The following AGAP1 variants were observed in gnomAD, a reference collection of about 807,000 sequenced individuals.
The protein encoded by AGAP1 is arf-GAP with GTPase, ANK repeat and PH domain-containing protein 1.
In AGAP1, 29 loss-of-function variants were observed where a neutral mutation model predicts 105.3. That is an observed-to-expected ratio of 0.28 (90% CI 0.21 to 0.38). AGAP1 has a LOEUF of 0.38. AGAP1 is among the 10% of genes least tolerant of loss of function. AGAP1 has a pLI of 1.00. For missense variants in AGAP1, 998 were observed against 1,165.1 expected (o/e 0.86, Z 2.09); for synonymous variants, 509 against 485.9 (o/e 1.05, Z -0.63).
chr2:235,636,790 G>A (rs1418480590), intron 1 of AGAP1, among the ~76,000 whole-genome samples: 1 of 152,162 alleles, frequency 6.6e-6, no homozygotes, highest in Non-Finnish European at 1.5e-5. Flanking sequence ...AATTATTTAG[G>A]ATGAGGTCAT....
chr2:235,636,634 C>G (rs1947011486), intron 1 of AGAP1, among the ~76,000 whole-genome samples: 1 of 152,202 alleles, frequency 6.6e-6, no homozygotes, highest in African/African-American at 2.4e-5. Context: ...TTGGGCTAGA[C>G]TCACTGTTCC....
rs1268776026 is a variant in AGAP1, at chr2:235,729,001, C to T, written c.310+11357C>T. 3.3e-5 allele frequency among the ~76,000 whole-genome samples: 5 copies of T among 151,482 alleles called. No individual in the cohort carries two copies. Among genetic ancestry groups the T allele is most frequent in the East Asian group, 1.9e-4 (1 of 5,160 alleles). Reference sequence around the variant, plus strand: ...GTGTGGGTCTTCCATGTCCCAGGGACGGAGAGAGGAGAAGTGGGGTTGGCC... The same window carrying T: ...GTGTGGGTCTTCCATGTCCCAGGGATGGAGAGAGGAGAAGTGGGGTTGGCC... On this transcript the variant is annotated intron_variant, in intron 3 of 17. Coordinates refer to ENST00000304032, the MANE Select transcript of AGAP1 (RefSeq NM_001037131.3). The surrounding 1 kb of genome is among the most constrained non-coding windows in gnomAD (Gnocchi z 5.0).
Position 235,968,637 on chromosome 2 carries a change from G to C in AGAP1, c.1645+14G>C. ...GCACTGCTGAAGGTAAGGGTTCCGC[G>C]GTGCCCCGGGAGAGAGTCTCCACTG... On this transcript the variant is annotated intron_variant, in intron 13 of 17. Transcript: ENST00000304032. 2.5e-6 allele frequency: 4 copies of C among 1,595,890 alleles called. No individual in the cohort carries two copies. Among genetic ancestry groups the C allele is most frequent in the Non-Finnish European group, 3.4e-6 (4 of 1,174,950 alleles).
intron 1 of AGAP1, among the ~76,000 whole-genome samples, chr2:235,640,751 CA>C (rs1241929672): frequency 6.6e-6 from 1 of 152,208 alleles, no homozygotes; most frequent in Non-Finnish European, 1.5e-5. Context: ...ATAGTCTAGG[CA>C]GGCAAACCCT....
intron 16 of AGAP1, among the ~76,000 whole-genome samples, chr2:236,118,569 A>G (rs547282112): frequency 1.2e-3 from 187 of 151,498 alleles, no homozygotes; most frequent in African/African-American, 4.1e-3. Context: ...TTGTATTTTT[A>G]GTAGAGACAG....
At chr2:235,653,104 G>A (rs2149326663) in intron 1 of AGAP1, among the ~76,000 whole-genome samples, 1 of 152,224 alleles carries the variant, frequency 6.6e-6, no homozygotes. Flanking sequence ...ACCTCTCAAA[G>A]CCCATTTGCT....
At chr2:235,670,561 C>T in intron 1 of AGAP1, 1 of 496,838 alleles carries the variant, frequency 2.0e-6, no homozygotes, top group Admixed American at 4.3e-5. Flanking sequence ...GGAGCCTGAG[C>T]TTCAGGCACT....
At chr2:235,545,454 T>C (rs1021113848) in intron 1 of AGAP1, among the ~76,000 whole-genome samples, 3 of 152,252 alleles carry the variant, frequency 2.0e-5, no homozygotes, top group African/African-American at 7.2e-5. Context: ...AGTTTGAGAC[T>C]GAGCCAGAAC....
In AGAP1 at chr2:236,120,578, G is replaced by T; in HGVS notation, c.2370+131G>T. On this transcript the variant is annotated intron_variant, in intron 17 of 17. Coordinates refer to ENST00000304032, the MANE Select transcript of AGAP1 (RefSeq NM_001037131.3). This position sits in a 1 kb window ranked among gnomAD's most constrained non-coding sequence, Gnocchi z 6.0. The stretch of plus-strand genomic sequence containing the variant: ...TGCAAGTGGAAACAGTTCCTAATGG[G>T]AAACTCTGATTGAAGAGCAGAGGGC... 1 of 1,475,380 alleles carries T rather than the reference G, an allele frequency of 6.8e-7. No homozygotes were observed. The highest frequency in any genetic ancestry group is 9.0e-7 in the Non-Finnish European group (1 of 1,109,318). 91.4% of individuals were successfully genotyped at this position (1,475,380 alleles called of 1,614,324 possible).
intron 6 of AGAP1, among the ~76,000 whole-genome samples, chr2:235,772,231 A>T (rs553212653): frequency 1.3e-5 from 2 of 152,166 alleles, no homozygotes; most frequent in East Asian, 3.9e-4. Flanking sequence ...ACCTCAGGTG[A>T]TCCGCCTGCG....
intron 10 of AGAP1, among the ~76,000 whole-genome samples, chr2:235,903,671 C>T (rs1363713102): frequency 2.0e-5 from 3 of 152,154 alleles, no homozygotes; most frequent in African/African-American, 7.2e-5. Context: ...CCATCAGGCA[C>T]ATAGTGGGAT....
At chr2:235,571,413 G>A (rs1304801632) in intron 1 of AGAP1, among the ~76,000 whole-genome samples, 2 of 152,236 alleles carry the variant, frequency 1.3e-5, no homozygotes, top group Non-Finnish European at 2.9e-5. Flanking sequence ...GAAAGATTCA[G>A]TTCCTTGGGC....
chr2:235,727,842 A>G (rs1677885125), intron 3 of AGAP1, among the ~76,000 whole-genome samples: 1 of 152,166 alleles, frequency 6.6e-6, no homozygotes, highest in Non-Finnish European at 1.5e-5. Flanking sequence ...AAGGTAGCAT[A>G]CTGAAAAAGA....
intron 1 of AGAP1, among the ~76,000 whole-genome samples, chr2:235,515,027 T>C (rs1942321950): frequency 1.3e-5 from 2 of 152,306 alleles, no homozygotes; most frequent in South Asian, 4.1e-4. Flanking sequence ...GGAGTTGCCA[T>C]CAGAATTTAG....
rs1348159092 is a variant in AGAP1, at chr2:236,078,283, A to G, written c.2114+29002A>G. Reference sequence around the variant, plus strand: ...CTTGATGTAGGATTTCATCATCACGAAACCTGTTTTTTGCTCTTTGGGCTC... The same window carrying G: ...CTTGATGTAGGATTTCATCATCACGGAACCTGTTTTTTGCTCTTTGGGCTC... On this transcript the variant is annotated intron_variant, in intron 16 of 17. Transcript: ENST00000304032. The surrounding 1 kb of genome is among the most constrained non-coding windows in gnomAD (Gnocchi z 5.3). Among the ~76,000 whole-genome samples the G allele has an allele frequency of 6.6e-6, 1 of 152,082 alleles. No homozygotes were observed.
intron 5 of AGAP1, among the ~76,000 whole-genome samples, chr2:235,745,159 CAT>C (rs1022450681): frequency 6.6e-6 from 1 of 151,908 alleles, no homozygotes; most frequent in Non-Finnish European, 1.5e-5. Flanking sequence ...TAGTCAAATA[CAT>C]ATATATATTT....
Position 236,051,250 on chromosome 2 carries a change from T to C in AGAP1, c.2114+1969T>C, listed in dbSNP as rs1012555031. Among the ~76,000 whole-genome samples, 4 of 152,274 alleles carry C rather than the reference T, an allele frequency of 2.6e-5. No homozygotes were observed. ...CATACGAGAACTGAATATTTCTTTGTGCCTGTAGTAATTTTCCTGGGGAGT... is the reference window on the plus strand; with the variant it reads ...CATACGAGAACTGAATATTTCTTTGCGCCTGTAGTAATTTTCCTGGGGAGT... On this transcript the variant is annotated intron_variant, in intron 16 of 17. Coordinates refer to ENST00000304032, the MANE Select transcript of AGAP1 (RefSeq NM_001037131.3). The surrounding 1 kb of genome is among the most constrained non-coding windows in gnomAD (Gnocchi z 5.9).
intron 16 of AGAP1, among the ~76,000 whole-genome samples, chr2:236,071,610 G>A (rs527934205): frequency 2.6e-5 from 4 of 152,364 alleles, no homozygotes; most frequent in South Asian, 2.1e-4. Context: ...TCTGCAGTGC[G>A]ATGCAGGAAG....
At chr2:235,528,095 T>C (rs909456224) in intron 1 of AGAP1, among the ~76,000 whole-genome samples, 2 of 152,206 alleles carry the variant, frequency 1.3e-5, no homozygotes, top group Non-Finnish European at 2.9e-5. Context: ...CCTGGATCTG[T>C]CAAAAATTGG....
Sources: allele counts gnomAD v4.1 joint callset (sites outside exome capture counted in the v4.1 genomes callset), GRCh38; gene constraint gnomAD v4.1.1; non-coding constraint Gnocchi (gnomAD v3.1); transcripts MANE v1.5; gene names NCBI Gene and HGNC (gene_info 2026-07-23, HGNC 2026-07-21).